Variants in SSH1 observed in about 807,000 individuals in gnomAD.
The protein encoded by SSH1 is slingshot protein phosphatase 1.
Under a neutral mutation model 79.7 loss-of-function variants are expected in SSH1, and 43 were observed. The ratio of observed to expected loss-of-function variants is 0.54; its 90% CI spans 0.42 to 0.70. The LOEUF is 0.70. SSH1 is among the 30% of genes least tolerant of loss of function. SSH1 has a pLI of 0.00. For synonymous variants in SSH1, 599 were observed against 538.3 expected (o/e 1.11, Z -1.56); for missense variants, 1,206 against 1,358.8 (o/e 0.89, Z 1.77).
chr12:108,811,237 A>C (rs2037575170), intron 6 of SSH1, 23 bp downstream of exon 6: 22 of 1,612,298 alleles, frequency 1.4e-5, no homozygotes, highest in Non-Finnish European at 1.9e-5. Flanking sequence ...CAGTGAGAGA[A>C]TCTTTTAAAG....
chr12:108,847,469 A>G (rs75136360), intron 2 of SSH1, among the ~76,000 whole-genome samples: 1,629 of 152,090 alleles, frequency 0.011, 31 homozygotes, highest in African/African-American at 0.037. Flanking sequence ...ACTTTTATCA[A>G]CTTACTTATT....
rs1341666986 is a variant in SSH1 at position 108,857,576 on chromosome 12, G to A, written c.-80C>T. On this transcript the variant is annotated 5_prime_UTR_variant, in exon 1 of 15. Transcript: ENST00000326495. This position sits in a 1 kb window ranked among gnomAD's most constrained non-coding sequence, Gnocchi z 4.7. ...CCACCGCCGCCCGGGCCGGGCCCGG[G>A]GCCTCCTGGAGCCGCGCGCGGGCGG... The A allele has an allele frequency of 8.6e-5, 76 of 888,868 alleles. No individual in the cohort carries two copies. Among genetic ancestry groups the A allele is most frequent in the Non-Finnish European group, 9.8e-5 (73 of 744,082 alleles). 55.1% of individuals were successfully genotyped at this position (888,868 alleles called of 1,614,324 possible).
rs116556090 is a variant in SSH1 at position 108,829,017 on chromosome 12, G to A, written c.111-5656C>T. Among the ~76,000 whole-genome samples, 108 of 152,304 alleles carry A rather than the reference G, an allele frequency of 7.1e-4. 2 individuals carry two copies. The highest frequency in any genetic ancestry group is 2.5e-3 in the African/African-American group (103 of 41,564). ...AGCATGGACAACGCCCATGGTGACT[G>A]CCGCGCTTTAAGGTTTAAGAAAAGT... On this transcript the variant is annotated intron_variant, in intron 2 of 14. Transcript: ENST00000326495.
chr12:108,850,800 A>G (rs1481035013), intron 2 of SSH1, among the ~76,000 whole-genome samples: 1 of 101,116 alleles, frequency 9.9e-6, no homozygotes, highest in Admixed American at 1.3e-4. Flanking sequence ...GGGGAAGGGG[A>G]TTTTGGGGAG....
intron 3 of SSH1, among the ~76,000 whole-genome samples, chr12:108,819,724 G>A (rs1332958103): frequency 2.0e-5 from 3 of 152,084 alleles, no homozygotes; most frequent in Non-Finnish European, 4.4e-5. Flanking sequence ...AGCTACTTGG[G>A]AGGCCAAGGC....
At chr12:108,826,166 G>A (rs1185086821) in intron 2 of SSH1, 3 of 455,016 alleles carry the variant, frequency 6.6e-6, no homozygotes, top group Admixed American at 2.4e-5. Context: ...TGGAAACCAT[G>A]AGCAAAAATT....
At chr12:108,854,659 G>T (rs577829339) in intron 1 of SSH1, among the ~76,000 whole-genome samples, 1 of 152,130 alleles carries the variant, frequency 6.6e-6, no homozygotes. Context: ...TTGGGGGTAC[G>T]GACTTCACAA....
intron 2 of SSH1, chr12:108,825,968 A>G (rs2038293667): frequency 8.0e-6 from 3 of 373,100 alleles, no homozygotes; most frequent in Non-Finnish European, 1.6e-5. Context: ...TCAAAATCTG[A>G]AACAGCTATG....
At chr12:108,837,129 C>T (rs902200840) in intron 2 of SSH1, 16 of 335,598 alleles carry the variant, frequency 4.8e-5, no homozygotes, top group South Asian at 3.0e-4. Context: ...CTACTTGGGG[C>T]GCTAAGGCAC....
In SSH1 at chr12:108,799,058, G is replaced by A. The variant is rs772601249; in HGVS notation, c.1291C>T (p.Arg431Cys). 6.8e-5 allele frequency: 110 copies of A among 1,613,992 alleles called. No homozygotes were observed. In the East Asian group the frequency reaches 1.9e-3, roughly 27 times the overall value. ...NYVKQKRSIT[R>C]PNAGFMRQLS... is the part of the protein sequence containing the mutation. ...TGCCTCATAAAGCCCGCGTTGGGGC[G>A]CGTGATGCTGCGCTTCTGCTTTACA... The change falls in exon 13 of 15, where the codon CGC becomes TGC. Residue 431 changes from arginine to cysteine, a missense_variant. Transcript: ENST00000326495.
intron 12 of SSH1, among the ~76,000 whole-genome samples, chr12:108,799,539 G>C (rs879613563): frequency 2.0e-5 from 3 of 152,196 alleles, no homozygotes; most frequent in African/African-American, 7.2e-5. Flanking sequence ...GCTGGGATGG[G>C]CTAGGGGACC....
intron 1 of SSH1, among the ~76,000 whole-genome samples, chr12:108,853,836 A>C (rs2039092012): frequency 6.6e-6 from 1 of 152,016 alleles, no homozygotes; most frequent in Non-Finnish European, 1.5e-5. Context: ...AGGCAGGAGA[A>C]TCACTTGAAC....
intron 3 of SSH1, among the ~76,000 whole-genome samples, chr12:108,818,659 G>T (rs932998410): frequency 6.6e-6 from 1 of 152,232 alleles, no homozygotes; most frequent in Non-Finnish European, 1.5e-5. Flanking sequence ...TACTCGGCAG[G>T]TTGGGGTGCC....
In SSH1 at chr12:108,799,206, G is replaced by C; in HGVS notation, c.1149-6C>G. On this transcript the variant is annotated splice_region_variant and splice_polypyrimidine_tract_variant and intron_variant, in intron 12 of 14. Coordinates refer to ENST00000326495, the MANE Select transcript of SSH1 (RefSeq NM_018984.4). Reference sequence around the variant, plus strand: ...GGCACTTGGAATGGTTCCTCCTGCAGGGGTGGGAGCAGTTGGGGAGGAGAG... The same window carrying C: ...GGCACTTGGAATGGTTCCTCCTGCACGGGTGGGAGCAGTTGGGGAGGAGAG... 6.2e-7 allele frequency: 1 copy of C among 1,610,468 alleles called. No homozygotes were observed.
chr12:108,840,963 T>C (rs944377898), intron 2 of SSH1, among the ~76,000 whole-genome samples: 8 of 152,216 alleles, frequency 5.3e-5, no homozygotes, highest in African/African-American at 1.9e-4. Flanking sequence ...AAACTCGTGA[T>C]AGTCAGTTAC....
At chr12:108,841,406 T>C (rs1000380622) in intron 2 of SSH1, among the ~76,000 whole-genome samples, 4 of 152,240 alleles carry the variant, frequency 2.6e-5, no homozygotes, top group Non-Finnish European at 4.4e-5. Flanking sequence ...TGAGCAAAAT[T>C]CGTTTTACGT....
chr12:108,840,394 A>G (rs1286976492), intron 2 of SSH1, among the ~76,000 whole-genome samples: 2 of 152,108 alleles, frequency 1.3e-5, no homozygotes, highest in East Asian at 3.9e-4. Context: ...TTCGCCAGGC[A>G]TGGTGGTACA....
Position 108,792,115 on chromosome 12 carries a change from A to G in SSH1, c.1893+171T>C, listed in dbSNP as rs1044428658. 16 of 1,474,826 alleles carry G rather than the reference A, an allele frequency of 1.1e-5. No individual in the cohort carries two copies. The African/African-American group carries it at 2.0e-4, about 18-fold the overall frequency. The allele number at this position is 1,474,826 out of a possible 1,614,324, so 91.4% of individuals were successfully genotyped here. Reference sequence around the variant, plus strand: ...ACCAGCAGAATCACCCTGTGAAAGAACCCTCAGGTCCCTGGAGATGGGAGC... The same window carrying G: ...ACCAGCAGAATCACCCTGTGAAAGAGCCCTCAGGTCCCTGGAGATGGGAGC... On this transcript the variant is annotated intron_variant, in intron 14 of 14. Transcript: ENST00000326495.
At position 108,809,749 on chromosome 12, in the gene SSH1, G is replaced by A. The variant is rs201314505; in HGVS notation, c.480C>T (p.Ser160=). 9 of 1,613,706 alleles carry A rather than the reference G, an allele frequency of 5.6e-6. No homozygotes were observed. Among genetic ancestry groups the A allele is most frequent in the Admixed American group, 5.0e-5 (3 of 60,006 alleles). Residue 160 remains serine (S), a synonymous_variant, in exon 7 of 15, where the codon AGC becomes AGT. Transcript: ENST00000326495. ...TGTGCATCCTTCCTGCTGTGCTCAC[G>A]CTGAACCCACTGAGAATAAAACACA... is the stretch of plus-strand genomic sequence containing the variant. ...KIHLDGDGGF[S]VSTAGRMHIF...
Sources: allele counts gnomAD v4.1 joint callset (sites outside exome capture counted in the v4.1 genomes callset), GRCh38; gene constraint gnomAD v4.1.1; non-coding constraint Gnocchi (gnomAD v3.1); transcripts MANE v1.5; gene names NCBI Gene and HGNC (gene_info 2026-07-23, HGNC 2026-07-21).